POLK: variants seen among roughly 807,000 people sequenced by gnomAD.
POLK encodes polymerase (DNA directed) kappa.
POLK carries 76 observed loss-of-function variants against 94.0 expected under a neutral mutation model. The observed-to-expected ratio is 0.81, with a 90% confidence interval of 0.67 to 0.98. The LOEUF (loss-of-function observed/expected upper bound fraction) is 0.98. Among genes scored for constraint, POLK ranks in the 50% least tolerant of loss-of-function variants. The pLI, the probability that POLK is intolerant of heterozygous loss-of-function variation, is 0.00. For missense variants in POLK, 954 were observed against 1,010.1 expected (o/e 0.94, Z 0.75); for synonymous variants, 349 against 325.4 (o/e 1.07, Z -0.78).
intron 1 of POLK, among the ~76,000 whole-genome samples, chr5:75,543,376 C>T (rs529495048): frequency 2.9e-4 from 44 of 152,116 alleles, no homozygotes; most frequent in Non-Finnish European, 5.1e-4. Context: ...TGAATAAATT[C>T]GGGGTGATTT....
intron 1 of POLK, among the ~76,000 whole-genome samples, chr5:75,530,476 C>T (rs756784013): frequency 1.5e-5 from 2 of 132,224 alleles, no homozygotes; most frequent in Non-Finnish European, 3.1e-5. Flanking sequence ...ATGATCTAGG[C>T]TCACTGTAAC....
At chr5:75,523,574 T>C (rs1329344805) in intron 1 of POLK, among the ~76,000 whole-genome samples, 1 of 152,232 alleles carries the variant, frequency 6.6e-6, no homozygotes, top group Non-Finnish European at 1.5e-5. Context: ...GAATTTTTGC[T>C]GGTTTTACTG....
intron 3 of POLK, among the ~76,000 whole-genome samples, chr5:75,556,427 T>G (rs1338830034): frequency 6.6e-6 from 1 of 152,244 alleles, no homozygotes; most frequent in African/African-American, 2.4e-5. Flanking sequence ...GTATCAGATA[T>G]GTCTTTTGCA....
intron 10 of POLK, among the ~76,000 whole-genome samples, chr5:75,587,587 T>C (rs1228375364): frequency 6.6e-6 from 1 of 152,104 alleles, no homozygotes; most frequent in Non-Finnish European, 1.5e-5. Flanking sequence ...CCCTCAATTA[T>C]CTCCTCAAAG....
intron 1 of POLK, among the ~76,000 whole-genome samples, chr5:75,546,640 A>T (rs1363871929): frequency 1.0e-5 from 1 of 99,794 alleles, no homozygotes; most frequent in African/African-American, 4.0e-5. Context: ...CCCCCACAAC[A>T]TGTTTTTTGG....
exon 13 of POLK, chr5:75,597,075 C>G (rs200965504): frequency 1.2e-6 from 2 of 1,612,864 alleles, no homozygotes; most frequent in South Asian, 1.1e-5. Flanking sequence ...TAACCCTGTT[C>G]AATGTGCATG....
intron 6 of POLK, among the ~76,000 whole-genome samples, chr5:75,577,331 C>G (rs921520833): frequency 6.6e-6 from 1 of 152,224 alleles, no homozygotes; most frequent in Admixed American, 6.5e-5. Flanking sequence ...TTGGATGATT[C>G]TATTTTTCTT....
At chr5:75,593,347 G>C (rs1436527223) in intron 11 of POLK, among the ~76,000 whole-genome samples, 1 of 152,026 alleles carries the variant, frequency 6.6e-6, no homozygotes, top group African/African-American at 2.4e-5. Context: ...GGCCAGGCTG[G>C]TCTTGAACTC....
chr5:75,526,943 C>G (rs1768888732), intron 1 of POLK, among the ~76,000 whole-genome samples: 2 of 152,118 alleles, frequency 1.3e-5, no homozygotes, highest in African/African-American at 4.8e-5. Flanking sequence ...GTAGAGGTAT[C>G]TAAAGTAGAT....
chr5:75,559,505 G>GT lies in POLK; in HGVS notation c.255+6921dup, dbSNP rs1561371144. Among the ~76,000 whole-genome samples, 515 of 70,086 alleles carry GT rather than the reference G, an allele frequency of 7.3e-3. 24 individuals carry two copies. Among genetic ancestry groups the GT allele is most frequent in the South Asian group, 0.02 (35 of 1,720 alleles). 46.0% of individuals were successfully genotyped at this position (70,086 alleles called of 152,430 possible). A position where few individuals can be genotyped will look rare whatever the true frequency, so the allele number is the denominator to read the frequency against. ...TTGGCAATTTATTGATTTGGGGTTT[G>GT]TTTTTTTGTTTTGTTTTGTTTTTTT... is the stretch of plus-strand genomic sequence containing the variant. On this transcript the variant is annotated intron_variant, in intron 3 of 14. Coordinates refer to ENST00000241436, the Ensembl canonical transcript of POLK.
exon 13 of POLK, chr5:75,596,924 A>G (rs759423197): frequency 1.2e-6 from 2 of 1,613,588 alleles, no homozygotes; most frequent in Admixed American, 1.7e-5. Context: ...TGTCATCAGA[A>G]TTCTTCTTCT....
chr5:75,520,143 A>C (rs1768499852), intron 1 of POLK, among the ~76,000 whole-genome samples: 1 of 152,224 alleles, frequency 6.6e-6, no homozygotes, highest in Non-Finnish European at 1.5e-5. Flanking sequence ...AAAGAAAAAA[A>C]TAGAAACTAA....
intron 1 of POLK, among the ~76,000 whole-genome samples, chr5:75,543,800 AC>A (rs1404897265): frequency 6.6e-6 from 1 of 152,088 alleles, no homozygotes; most frequent in Non-Finnish European, 1.5e-5. Context: ...TGATTCAAGC[AC>A]CAAAACCAAC....
downstream of POLK, among the ~76,000 whole-genome samples, chr5:75,603,476 T>C (rs1773347074): frequency 6.6e-6 from 1 of 151,636 alleles, no homozygotes; most frequent in African/African-American, 2.4e-5. Context: ...GTCTCCAAGA[T>C]TTAGCAGTGG....
chr5:75,542,962 C>T (rs868823336), intron 1 of POLK, among the ~76,000 whole-genome samples: 12 of 151,320 alleles, frequency 7.9e-5, no homozygotes, highest in Middle Eastern at 3.5e-3. Context: ...CCACCCACCT[C>T]GGCCTCCCAA....
At chr5:75,560,921 G>C (rs1401652595) in intron 3 of POLK, among the ~76,000 whole-genome samples, 1 of 152,108 alleles carries the variant, frequency 6.6e-6, no homozygotes, top group African/African-American at 2.4e-5. Context: ...ATCATTGATG[G>C]GCATTTGGGT....
intron 5 of POLK, among the ~76,000 whole-genome samples, chr5:75,576,290 G>T (rs1411002166): frequency 1.3e-5 from 2 of 151,970 alleles, no homozygotes; most frequent in Admixed American, 6.6e-5. Context: ...ACTTTTATGT[G>T]CATGTTATAA....
chr5:75,609,593 A>C, the POLK span: 2 of 152,216 alleles, frequency 1.3e-5, no homozygotes, highest in Admixed American at 6.5e-5. Flanking sequence ...CATGCTACAT[A>C]TACATATAAT....
chr5:75,597,185 G>T lies in POLK; in HGVS notation c.2485+7G>T. On this transcript the variant is annotated splice_region_variant and intron_variant, in intron 13 of 14. Coordinates refer to ENST00000241436, the Ensembl canonical transcript of POLK. ...GAAAGCTCCAGAAGTACTGGTAAGTGTGTAATTGTTTTAAACTGCATGATT... is the reference window on the plus strand; with the variant it reads ...GAAAGCTCCAGAAGTACTGGTAAGTTTGTAATTGTTTTAAACTGCATGATT... 1 of 1,364,194 alleles carries T rather than the reference G, an allele frequency of 7.3e-7. No homozygotes were observed. Among genetic ancestry groups the T allele is most frequent in the Non-Finnish European group, 1.0e-6 (1 of 963,790 alleles). The allele number at this position is 1,364,194 out of a possible 1,614,324, so 84.5% of individuals were successfully genotyped here.
Sources: gnomAD v4.1 joint callset for allele counts (sites outside exome capture counted in the v4.1 genomes callset) on GRCh38, gnomAD v4.1.1 for gene constraint, MANE v1.5 for transcripts, NCBI Gene and HGNC (gene_info 2026-07-23, HGNC 2026-07-21) for gene names.